The following HDAC9 variants were observed in gnomAD, a reference collection of about 807,000 sequenced individuals.
HDAC9 encodes histone deacetylase 9.
HDAC9 carries 41 observed loss-of-function variants against 139.4 expected under a neutral mutation model. That is an observed-to-expected ratio of 0.29 (90% CI 0.23 to 0.38). HDAC9 has a LOEUF of 0.38. HDAC9 is among the 10% of genes least tolerant of loss of function. The pLI, the probability that HDAC9 is intolerant of heterozygous loss-of-function variation, is 1.00. For synonymous variants in HDAC9, 517 were observed against 476.2 expected, an observed-to-expected ratio of 1.09 and a Z score of -1.12; for missense variants, 1,147 against 1,297.0, an observed-to-expected ratio of 0.88 and a Z score of 1.78.
chr7:18,747,944 T>G (rs2129146384), intron 13 of HDAC9, among the ~76,000 whole-genome samples: 1 of 152,328 alleles, frequency 6.6e-6, no homozygotes, highest in Admixed American at 6.5e-5. Flanking sequence ...AAATTACTGG[T>G]GCTTATCTAT....
chr7:18,178,356 A>T (rs1200758175), intron 2 of HDAC9, among the ~76,000 whole-genome samples: 1 of 152,218 alleles, frequency 6.6e-6, no homozygotes, highest in African/African-American at 2.4e-5. Context: ...AAGTGCTGGG[A>T]TGACAGGCGT....
intron 21 of HDAC9, among the ~76,000 whole-genome samples, chr7:18,839,867 A>G (rs1796478028): frequency 6.6e-6 from 1 of 152,086 alleles, no homozygotes; most frequent in Admixed American, 6.6e-5. Flanking sequence ...TTTTAAGAGT[A>G]CTGCAAATGT....
At chr7:18,855,623 A>G (rs1431537941) in intron 21 of HDAC9, among the ~76,000 whole-genome samples, 1 of 151,736 alleles carries the variant, frequency 6.6e-6, no homozygotes, top group African/African-American at 2.4e-5. Context: ...ACTTCTTAAT[A>G]TGTTAAATTT....
chr7:18,642,867 G>T (rs766324233), intron 8 of HDAC9, among the ~76,000 whole-genome samples: 1 of 152,064 alleles, frequency 6.6e-6, no homozygotes, highest in Non-Finnish European at 1.5e-5. Flanking sequence ...ACTCTTTTGT[G>T]AGGTCTATGG....
chr7:18,719,599 C>T (rs1167583085), intron 12 of HDAC9, among the ~76,000 whole-genome samples: 1 of 152,164 alleles, frequency 6.6e-6, no homozygotes, highest in East Asian at 1.9e-4. Flanking sequence ...CTTGGTCTCC[C>T]AAAGTGCTGG....
chr7:18,184,411 A>G (rs1789745503), intron 2 of HDAC9, among the ~76,000 whole-genome samples: 1 of 152,216 alleles, frequency 6.6e-6, no homozygotes, highest in Non-Finnish European at 1.5e-5. Flanking sequence ...AAATAAATAA[A>G]AAAATAAATA....
chr7:18,825,460 G>A (rs1795349245), intron 17 of HDAC9, among the ~76,000 whole-genome samples: 1 of 151,974 alleles, frequency 6.6e-6, no homozygotes, highest in Non-Finnish European at 1.5e-5. Context: ...GGGCCAGAAG[G>A]CTGAGAGGAA....
intron 12 of HDAC9, among the ~76,000 whole-genome samples, chr7:18,723,729 G>T (rs1462831146): frequency 6.6e-6 from 1 of 151,944 alleles, no homozygotes; most frequent in East Asian, 1.9e-4. Context: ...AAAAAAGAAA[G>T]GTAGCGGGTG....
At chr7:18,255,161 T>G (rs2128201954) in intron 2 of HDAC9, among the ~76,000 whole-genome samples, 1 of 152,300 alleles carries the variant, frequency 6.6e-6, no homozygotes, top group East Asian at 1.9e-4. Flanking sequence ...GGGAGCCCAG[T>G]AGGTGTTTTC....
At chr7:18,614,097 G>C (rs1047667363) in intron 6 of HDAC9, among the ~76,000 whole-genome samples, 1 of 152,058 alleles carries the variant, frequency 6.6e-6, no homozygotes, top group Admixed American at 6.6e-5. Flanking sequence ...TCTGATAGTA[G>C]GGTTTAACCC....
chr7:18,263,684 C>G (rs1008226115), intron 2 of HDAC9, among the ~76,000 whole-genome samples: 1 of 151,754 alleles, frequency 6.6e-6, no homozygotes, highest in Non-Finnish European at 1.5e-5. Context: ...TCTCAGCTCA[C>G]TGCAACCTCC....
intron 7 of HDAC9, among the ~76,000 whole-genome samples, chr7:18,632,197 GTGA>G (rs1277732811): frequency 7.9e-5 from 12 of 151,756 alleles, no homozygotes; most frequent in Non-Finnish European, 1.3e-4. Flanking sequence ...AAAACCAGAG[GTGA>G]TGATTAAAAA....
chr7:18,118,748 G>A (rs556214714), intron 1 of HDAC9, among the ~76,000 whole-genome samples: 7 of 152,252 alleles, frequency 4.6e-5, no homozygotes, highest in Admixed American at 1.3e-4. Flanking sequence ...TGTATCCAGA[G>A]CCTATTTTTG....
At chr7:18,297,403 C>T (rs1562848861) in intron 1 of HDAC9, among the ~76,000 whole-genome samples, 1 of 152,088 alleles carries the variant, frequency 6.6e-6, no homozygotes, top group African/African-American at 2.4e-5. Flanking sequence ...AAGAATTTTG[C>T]ACCAATTCTT....
At chr7:18,744,788 A>G (rs1370514220) in intron 13 of HDAC9, among the ~76,000 whole-genome samples, 1 of 152,170 alleles carries the variant, frequency 6.6e-6, no homozygotes, top group Non-Finnish European at 1.5e-5. Flanking sequence ...ACTGAGAGAA[A>G]GAGAAAGCAC....
intron 1 of HDAC9, among the ~76,000 whole-genome samples, chr7:18,334,497 G>A (rs904042110): frequency 6.6e-6 from 1 of 151,406 alleles, no homozygotes; most frequent in Non-Finnish European, 1.5e-5. Flanking sequence ...TTCATAATTT[G>A]TCAAATGCCA....
intron 18 of HDAC9, 48 bp downstream of exon 18, chr7:18,829,264 C>T (rs753432888): frequency 5.6e-6 from 8 of 1,418,316 alleles, no homozygotes; most frequent in South Asian, 1.1e-5. Flanking sequence ...CGGTTCCTGG[C>T]GGTCACCTGC....
chr7:18,615,994 C>T (rs1307279188), intron 6 of HDAC9, among the ~76,000 whole-genome samples: 1 of 152,132 alleles, frequency 6.6e-6, no homozygotes, highest in East Asian at 1.9e-4. Flanking sequence ...AATCCCTCTC[C>T]TTGTTTATTC....
At chr7:18,224,768 C>T (rs902643222) in intron 2 of HDAC9, among the ~76,000 whole-genome samples, 9 of 151,804 alleles carry the variant, frequency 5.9e-5, no homozygotes, top group African/African-American at 2.2e-4. Context: ...AATTGAATTC[C>T]TAAAAGAAAT....
Sources: gnomAD v4.1 joint callset for allele counts (sites outside exome capture counted in the v4.1 genomes callset) on GRCh38, gnomAD v4.1.1 for gene constraint, MANE v1.5 for transcripts, NCBI Gene and HGNC (gene_info 2026-07-23, HGNC 2026-07-21) for gene names.